The following PDE3A variants were observed in gnomAD, a reference collection of about 807,000 sequenced individuals.
The protein encoded by PDE3A is cGMP-inhibited 3',5'-cyclic phosphodiesterase 3A.
Under a neutral mutation model 98.3 loss-of-function variants are expected in PDE3A, and 43 were observed. The observed-to-expected ratio is 0.44, with a 90% CI of 0.34 to 0.56. The LOEUF is 0.56. Among genes scored for constraint, PDE3A ranks in the 20% least tolerant of loss-of-function variants. The pLI, the probability that PDE3A is intolerant of heterozygous loss-of-function variation, is 0.01. For missense variants in PDE3A, 1,427 were observed against 1,440.7 expected (o/e 0.99, Z 0.15); for synonymous variants, 663 against 567.9 (o/e 1.17, Z -2.38).
rs527754549 is a variant in PDE3A, at chr12:20,646,682, A to G, written c.2366-69A>G. Reference sequence around the variant, plus strand: ...TTTGTTTTTGTTTTTTTTCAAAAAGAAAGAAGTCAAGACAAATAATGTCAG... The same window carrying G: ...TTTGTTTTTGTTTTTTTTCAAAAAGGAAGAAGTCAAGACAAATAATGTCAG... On this transcript the variant is annotated intron_variant, in intron 11 of 15. Coordinates refer to ENST00000359062, the MANE Select transcript of PDE3A (RefSeq NM_000921.5). 6.2e-5 allele frequency: 88 copies of G among 1,425,516 alleles called. No individual in the cohort carries two copies. The African/African-American group carries it at 1.1e-3, about 17-fold the overall frequency. 88.3% of individuals were successfully genotyped at this position (1,425,516 alleles called of 1,614,324 possible). A position where few individuals can be genotyped will look rare whatever the true frequency, so the allele number is the denominator to read the frequency against.
chr12:20,432,200 A>G (rs1488801972), intron 1 of PDE3A, among the ~76,000 whole-genome samples: 5 of 152,230 alleles, frequency 3.3e-5, no homozygotes, highest in Admixed American at 2.6e-4. Context: ...ACTCTTTTCA[A>G]TGATGGAAAA....
chr12:20,658,548 G>A (rs1945092686), intron 15 of PDE3A, among the ~76,000 whole-genome samples: 1 of 152,208 alleles, frequency 6.6e-6, no homozygotes, highest in East Asian at 1.9e-4. Flanking sequence ...TGAAGCAAAA[G>A]GTGGGAGAAT....
intron 1 of PDE3A, among the ~76,000 whole-genome samples, chr12:20,484,659 C>T (rs566409138): frequency 1.3e-5 from 2 of 152,154 alleles, no homozygotes; most frequent in African/African-American, 4.8e-5. Context: ...ACCTTTTGTT[C>T]TTTATTACGT....
At chr12:20,371,348 A>G in intron 1 of PDE3A, 1 of 985,266 alleles carries the variant, frequency 1.0e-6, no homozygotes. Flanking sequence ...AGTGGATTTG[A>G]CACTTGATGG....
chr12:20,482,770 A>G (rs1312490718), intron 1 of PDE3A, among the ~76,000 whole-genome samples: 2 of 152,224 alleles, frequency 1.3e-5, no homozygotes, highest in African/African-American at 4.8e-5. Context: ...TGATGCAGAG[A>G]ATGTACTTTT....
At chr12:20,570,298 C>T (rs1197302352) in intron 2 of PDE3A, among the ~76,000 whole-genome samples, 1 of 149,882 alleles carries the variant, frequency 6.7e-6, no homozygotes, top group African/African-American at 2.5e-5. Context: ...ATCCCAGCTA[C>T]TCGGAAGGCT....
chr12:20,442,908 G>A (rs951970158), intron 1 of PDE3A, among the ~76,000 whole-genome samples: 3 of 152,182 alleles, frequency 2.0e-5, no homozygotes, highest in East Asian at 3.9e-4. Flanking sequence ...GAACAAAGCA[G>A]TGTCACAGAA....
intron 2 of PDE3A, among the ~76,000 whole-genome samples, chr12:20,588,427 C>T (rs1480651362): frequency 6.6e-6 from 1 of 152,156 alleles, no homozygotes. Context: ...ATAAACTACT[C>T]AGCTTCAATT....
chr12:20,620,494 G>C (rs777389764), intron 4 of PDE3A, among the ~76,000 whole-genome samples: 16 of 151,996 alleles, frequency 1.1e-4, no homozygotes, highest in Non-Finnish European at 2.1e-4. Flanking sequence ...ACATGTATAA[G>C]TTTTAAGCAA....
intron 2 of PDE3A, among the ~76,000 whole-genome samples, chr12:20,573,618 T>C (rs1271387200): frequency 3.9e-5 from 6 of 152,112 alleles, no homozygotes; most frequent in African/African-American, 1.4e-4. Flanking sequence ...TTCTGTGCTA[T>C]ATTCCCTTCC....
chr12:20,646,946 C>T lies in PDE3A; in HGVS notation c.2561C>T (p.Pro854Leu). The T allele has an allele frequency of 6.2e-7, 1 of 1,608,458 alleles. No individual in the cohort carries two copies. The highest frequency in any genetic ancestry group is 8.5e-7 in the Non-Finnish European group (1 of 1,175,214). ...TNAFLVATSAPQAVLYNDRSV... is the reference protein window; with the variant it reads ...TNAFLVATSALQAVLYNDRSV... ...GCTTTCCTGGTTGCAACTAGTGCTC[C>T]TCAGGTAAATCTTTAGATTTTGGTT... Residue 854 changes from proline (P) to leucine (L), a missense_variant, in exon 12 of 16, where the codon CCT (proline) becomes CTT (leucine). By Grantham distance (98) the Pro-to-Leu change is moderately conservative. Coordinates refer to ENST00000359062, the MANE Select transcript of PDE3A (RefSeq NM_000921.5).
In PDE3A at chr12:20,628,596, G is replaced by C. The variant is rs74921018; in HGVS notation, c.1541-1312G>C. Among the ~76,000 whole-genome samples, 263 of 152,096 alleles carry C rather than the reference G, an allele frequency of 1.7e-3. 1 individual carries two copies. Among genetic ancestry groups the C allele is most frequent in the East Asian group, 6.2e-3 (32 of 5,182 alleles). On this transcript the variant is annotated intron_variant, in intron 5 of 15. Transcript: ENST00000359062. ...AACCTCTCTGGGTCTAAGTGGTTTC[G>C]TTTGCTTAGTATAAAGGCTGGGAGG... is the stretch of plus-strand genomic sequence containing the variant.
chr12:20,390,777 C>T (rs1591877103), intron 1 of PDE3A, among the ~76,000 whole-genome samples: 1 of 151,902 alleles, frequency 6.6e-6, no homozygotes, highest in East Asian at 1.9e-4. Context: ...CGTTAGTTCA[C>T]CGTATTTTCC....
chr12:20,476,647 G>A (rs944557617), intron 1 of PDE3A, among the ~76,000 whole-genome samples: 2 of 152,118 alleles, frequency 1.3e-5, no homozygotes, highest in African/African-American at 4.8e-5. Flanking sequence ...AGAGGAACTG[G>A]TTTCATATGA....
chr12:20,546,824 T>C (rs368434512), intron 1 of PDE3A, among the ~76,000 whole-genome samples: 1 of 152,104 alleles, frequency 6.6e-6, no homozygotes, highest in African/African-American at 2.4e-5. Context: ...CTTGTTGTAT[T>C]GAATGGAATT....
chr12:20,650,316 G>T, intron 13 of PDE3A, 129 bp from the exon 14 acceptor site: 1 of 487,492 alleles, frequency 2.1e-6, no homozygotes, highest in Non-Finnish European at 3.6e-6. Flanking sequence ...AGTAGCTAGA[G>T]GTTCCCAATT....
intron 15 of PDE3A, among the ~76,000 whole-genome samples, chr12:20,673,799 G>A (rs575634771): frequency 6.6e-6 from 1 of 150,536 alleles, no homozygotes; most frequent in Non-Finnish European, 1.5e-5. Context: ...GTATACATAT[G>A]TAACTAACCT....
rs773167606 is a variant in PDE3A, at chr12:20,369,448, T to C, written c.164T>C (p.Leu55Pro). Residue 55 changes from leucine to proline, a missense_variant, in exon 1 of 16, where the codon CTC becomes CCC. Physicochemically the swap from Leu to Pro is moderately conservative, Grantham distance 98. Around this residue, in one of 3 missense-constraint regions of PDE3A, gnomAD observed 1,012 missense variants for 886.5 expected, o/e 1.14. Transcript: ENST00000359062. ...TGGGGAGACCTGGTGCTGCAGCCGC[T>C]CCGGAGCTCTCGGAAACTTTCCTCC... ...GCWGDLVLQP[L>P]RSSRKLSSAL... 6.4e-7 allele frequency: 1 copy of C among 1,555,450 alleles called. No individual in the cohort carries two copies. The highest frequency in any genetic ancestry group is 2.4e-5 in the East Asian group (1 of 41,280).
At chr12:20,594,532 CTT>C (rs747101272) in intron 2 of PDE3A, among the ~76,000 whole-genome samples, 15 of 134,120 alleles carry the variant, frequency 1.1e-4, no homozygotes, top group Non-Finnish European at 1.5e-4. Context: ...TAATTAGGGG[CTT>C]TTTTTTTTTT....
Sources: gnomAD v4.1 joint callset for allele counts (sites outside exome capture counted in the v4.1 genomes callset) on GRCh38, gnomAD v4.1.1 for gene constraint, gnomAD v4.1.1 regional missense constraint, MANE v1.5 for transcripts, NCBI Gene and HGNC (gene_info 2026-07-23, HGNC 2026-07-21) for gene names.